NACC2: variants seen among roughly 807,000 people sequenced by gnomAD.
The protein encoded by NACC2 is NACC family member 2, also known as nucleus accumbens-associated protein 2.
In NACC2, 8 loss-of-function variants were observed where a neutral mutation model predicts 25.1. That is an observed-to-expected ratio of 0.32 (90% CI 0.19 to 0.57). The LOEUF is 0.57. Ranked by LOEUF, NACC2 falls within the 20% of genes least tolerant of loss-of-function variation. The probability of loss-of-function intolerance (pLI) is 0.89; values close to 1 mark genes in which losing one functional copy is unlikely to be tolerated. For synonymous variants in NACC2, 435 were observed against 294.7 expected, an observed-to-expected ratio of 1.48 and a Z score of -4.88; for missense variants, 644 against 650.2, an observed-to-expected ratio of 0.99 and a Z score of 0.10.
At chr9:136,015,468 G>A (rs1840185737) in intron 3 of NACC2, among the ~76,000 whole-genome samples, 1 of 152,236 alleles carries the variant, frequency 6.6e-6, no homozygotes, top group Non-Finnish European at 1.5e-5. Context: ...GTCCCTGGCA[G>A]CTGGAAGGCG....
intron 2 of NACC2, among the ~76,000 whole-genome samples, chr9:136,034,008 C>T (rs1840515434): frequency 6.6e-6 from 1 of 151,030 alleles, no homozygotes; most frequent in South Asian, 2.1e-4. Context: ...CAAGGCAAAT[C>T]ATAAGGAACT....
chr9:136,040,137 G>A (rs1403648146), intron 2 of NACC2, among the ~76,000 whole-genome samples: 9 of 151,904 alleles, frequency 5.9e-5, no homozygotes, highest in Non-Finnish European at 8.8e-5. Flanking sequence ...CAAGGTCAGG[G>A]GATTGAGACC....
chr9:136,044,615 A>AG (rs1444937197), intron 2 of NACC2, among the ~76,000 whole-genome samples: 2 of 152,204 alleles, frequency 1.3e-5, no homozygotes, highest in Non-Finnish European at 2.9e-5. Context: ...CCCCCGTCCC[A>AG]GGCCACAAGG....
chr9:136,045,144 G>A (rs1181950871), intron 2 of NACC2, among the ~76,000 whole-genome samples: 4 of 152,218 alleles, frequency 2.6e-5, no homozygotes, highest in Non-Finnish European at 5.9e-5. Flanking sequence ...CCTGAGTTCA[G>A]ACCGCCCCAT....
intron 1 of NACC2, among the ~76,000 whole-genome samples, chr9:136,069,580 A>G (rs949603229): frequency 2.6e-5 from 4 of 151,646 alleles, no homozygotes; most frequent in Non-Finnish European, 5.9e-5. Flanking sequence ...AAACAAAACA[A>G]AAAAAACACC....
At chr9:136,033,137 T>C (rs1421016775) in intron 2 of NACC2, among the ~76,000 whole-genome samples, 2 of 151,748 alleles carry the variant, frequency 1.3e-5, no homozygotes, top group Non-Finnish European at 2.9e-5. Context: ...GATCATGCCA[T>C]TGCACTCCAG....
chr9:136,077,972 C>T (rs1450812137), intron 1 of NACC2, among the ~76,000 whole-genome samples: 2 of 152,144 alleles, frequency 1.3e-5, no homozygotes, highest in Non-Finnish European at 1.5e-5. Context: ...CGGGGTTTCA[C>T]CATGTTAGCC....
At chr9:136,090,950 G>A (rs1032741176) in intron 1 of NACC2, among the ~76,000 whole-genome samples, 1 of 152,164 alleles carries the variant, frequency 6.6e-6, no homozygotes, top group Non-Finnish European at 1.5e-5. Flanking sequence ...TGCTTCCCAG[G>A]CACAGGGGCA....
intron 2 of NACC2, among the ~76,000 whole-genome samples, chr9:136,025,649 C>CAT: frequency 6.6e-6 from 1 of 150,800 alleles, no homozygotes; most frequent in Non-Finnish European, 1.5e-5. Flanking sequence ...CGCAGTGGCT[C>CAT]ATGCCTGTAA....
At chr9:136,062,441 C>T (rs939141908) in intron 1 of NACC2, among the ~76,000 whole-genome samples, 1 of 152,154 alleles carries the variant, frequency 6.6e-6, no homozygotes, top group African/African-American at 2.4e-5. Flanking sequence ...GCCCGTGGGG[C>T]ATTAACCAGT....
rs1840228397 is a variant in NACC2 at position 136,018,003 on chromosome 9, G to A, written c.887-1574C>T. On this transcript the variant is annotated intron_variant, in intron 2 of 5. Coordinates refer to ENST00000277554, the MANE Select transcript of NACC2 (RefSeq NM_144653.5). The surrounding 1 kb of genome is among the most constrained non-coding windows in gnomAD (Gnocchi z 4.4). ...TCCCCTCGGCAGCCTCAGTGTGATG[G>A]GAAGTCCCCCGGTGGGGGGCGGGGG... Among the ~76,000 whole-genome samples the A allele has an allele frequency of 6.6e-6, 1 of 152,164 alleles. No homozygotes were observed. The highest frequency in any genetic ancestry group is 2.1e-4 in the South Asian group (1 of 4,834).
chr9:136,070,395 C>A lies in NACC2; in HGVS notation c.-59-19815G>T, dbSNP rs372014191. On this transcript the variant is annotated intron_variant, in intron 1 of 5. Transcript: ENST00000277554. ...TGGTGGTGGGCGCCTATAATCCCAGCCACTGGGGAGGCTGAGGCAGAGAAC... is the reference window on the plus strand; with the variant it reads ...TGGTGGTGGGCGCCTATAATCCCAGACACTGGGGAGGCTGAGGCAGAGAAC... 8.2e-4 allele frequency among the ~76,000 whole-genome samples: 124 copies of A among 151,780 alleles called. 2 individuals carry two copies. The Middle Eastern group carries it at 0.014, about 17-fold the overall frequency.
At chr9:136,042,412 G>A (rs958377620) in intron 2 of NACC2, among the ~76,000 whole-genome samples, 3 of 152,120 alleles carry the variant, frequency 2.0e-5, no homozygotes, top group African/African-American at 4.8e-5. Context: ...CAATGGAACC[G>A]AACAGAATCC....
intron 3 of NACC2, among the ~76,000 whole-genome samples, chr9:136,014,465 A>G (rs1159908605): frequency 6.6e-6 from 1 of 152,104 alleles, no homozygotes; most frequent in Non-Finnish European, 1.5e-5. Flanking sequence ...CACCATGCCC[A>G]GTTAATTTTG....
At chr9:136,068,241 T>C (rs919672311) in intron 1 of NACC2, among the ~76,000 whole-genome samples, 2 of 152,158 alleles carry the variant, frequency 1.3e-5, no homozygotes, top group Non-Finnish European at 2.9e-5. Context: ...CTCATGCCTG[T>C]AACCCCAGCA....
intron 1 of NACC2, among the ~76,000 whole-genome samples, chr9:136,060,247 T>G (rs1336417001): frequency 6.6e-6 from 1 of 152,224 alleles, no homozygotes; most frequent in African/African-American, 2.4e-5. Context: ...AAAGCTCTTT[T>G]GCAACACCGA....
intron 1 of NACC2, among the ~76,000 whole-genome samples, chr9:136,071,996 G>A (rs1478499092): frequency 2.0e-5 from 3 of 152,042 alleles, no homozygotes; most frequent in South Asian, 2.1e-4. Context: ...CCAGCACTTC[G>A]GGAGGCCCAG....
intron 1 of NACC2, among the ~76,000 whole-genome samples, chr9:136,077,812 G>A (rs939742558): frequency 4.6e-5 from 7 of 152,338 alleles, no homozygotes; most frequent in African/African-American, 1.7e-4. Context: ...GTAAGTGAAA[G>A]TAGTTTGAAA....
At chr9:136,032,987 C>T (rs144322602) in intron 2 of NACC2, among the ~76,000 whole-genome samples, 5,346 of 151,962 alleles carry the variant, frequency 0.035, 145 homozygotes, top group Non-Finnish European at 0.051. Flanking sequence ...CACTGAACTC[C>T]AGCCTGGGCA....
Sources: gnomAD v4.1 joint callset for allele counts (sites outside exome capture counted in the v4.1 genomes callset) on GRCh38, gnomAD v4.1.1 for gene constraint, Gnocchi (gnomAD v3.1) non-coding constraint, MANE v1.5 for transcripts, NCBI Gene and HGNC (gene_info 2026-07-23, HGNC 2026-07-21) for gene names.